TM4SF18: variants seen among roughly 807,000 people sequenced by gnomAD.
TM4SF18 encodes transmembrane 4 L six family member 18, also known as transmembrane 4 L6 family member 18.
Under a neutral mutation model 23.8 loss-of-function variants are expected in TM4SF18, and 22 were observed. The ratio of observed to expected loss-of-function variants is 0.92; its 90% CI spans 0.66 to 1.32. The LOEUF is 1.32. Ranked by LOEUF, TM4SF18 falls within the 40% of genes most tolerant of loss-of-function variation. TM4SF18 has a pLI of 0.00. For missense variants in TM4SF18, 255 were observed against 240.3 expected (o/e 1.06, Z -0.41); for synonymous variants, 87 against 87.9 (o/e 0.99, Z 0.06).
intron 2 of TM4SF18, among the ~76,000 whole-genome samples, chr3:149,331,289 T>C (rs775257647): frequency 3.3e-5 from 5 of 152,180 alleles, no homozygotes; most frequent in Non-Finnish European, 7.4e-5. Context: ...CCTATATTCT[T>C]CTCCTTTCTC....
intron 4 of TM4SF18, among the ~76,000 whole-genome samples, chr3:149,324,228 C>G (rs1360980699): frequency 6.6e-6 from 1 of 152,182 alleles, no homozygotes; most frequent in Non-Finnish European, 1.5e-5. Flanking sequence ...ATTCTGAGAT[C>G]CGGGATTGGG....
chr3:149,326,060 CATT>C (rs1202329981), intron 3 of TM4SF18, among the ~76,000 whole-genome samples: 1 of 152,072 alleles, frequency 6.6e-6, no homozygotes, highest in African/African-American at 2.4e-5. Context: ...AGGTTGCAGA[CATT>C]ATGATATTTC....
intron 2 of TM4SF18, among the ~76,000 whole-genome samples, chr3:149,332,788 G>A (rs1731113934): frequency 6.6e-6 from 1 of 152,116 alleles, no homozygotes; most frequent in South Asian, 2.1e-4. Flanking sequence ...AGGTTTGTCT[G>A]AATAGCCAAG....
At position 149,318,796 on chromosome 3, in the gene TM4SF18, T is replaced by C. The variant is rs1399429742; in HGVS notation, c.*2682A>G. 1 of 152,236 alleles carries C rather than the reference T, an allele frequency of 6.6e-6. No individual in the cohort carries two copies. The highest frequency in any genetic ancestry group is 2.4e-5 in the African/African-American group (1 of 41,470). The allele number at this position is 152,236 out of a possible 1,614,324, so 9.4% of individuals were successfully genotyped here. ...AACTATTAACTTTTAAATATTTTTC[T>C]GGTCTTTACATATCTCAAGGTTTAT... On this transcript the variant is annotated 3_prime_UTR_variant, in exon 6 of 6. Transcript: ENST00000296059.
At chr3:149,329,445 G>C (rs1419587892) in intron 3 of TM4SF18, among the ~76,000 whole-genome samples, 1 of 152,160 alleles carries the variant, frequency 6.6e-6, no homozygotes, top group Non-Finnish European at 1.5e-5. Context: ...ATTGCAATAT[G>C]AAGCTAACAG....
chr3:149,328,941 T>C (rs969827552), intron 3 of TM4SF18, among the ~76,000 whole-genome samples: 1 of 152,214 alleles, frequency 6.6e-6, no homozygotes. Context: ...ATTTCTAGCA[T>C]CTATTTGTGC....
intron 3 of TM4SF18, among the ~76,000 whole-genome samples, chr3:149,325,395 A>C (rs976649921): frequency 6.6e-6 from 1 of 152,180 alleles, no homozygotes; most frequent in Non-Finnish European, 1.5e-5. Context: ...TTCTCTAAGA[A>C]TTATAAGCTA....
intron 3 of TM4SF18, 180 bp downstream of exon 3, chr3:149,330,150 G>A (rs1000347524): frequency 1.5e-5 from 6 of 394,340 alleles, no homozygotes; most frequent in Non-Finnish European, 2.7e-5. Flanking sequence ...TGCATCAGTA[G>A]AACAAAAGTG....
intron 3 of TM4SF18, 70 bp from the exon 4 acceptor site, chr3:149,325,092 G>C: frequency 6.7e-7 from 1 of 1,491,858 alleles, no homozygotes; most frequent in Non-Finnish European, 9.2e-7. Flanking sequence ...TAAATTATCA[G>C]ATAGCTACAT....
intron 4 of TM4SF18, among the ~76,000 whole-genome samples, chr3:149,323,790 C>T (rs35067125): frequency 0.28 from 42,354 of 151,970 alleles, 6,602 homozygotes; most frequent in East Asian, 0.55. Context: ...GGAAGACAAC[C>T]ATAAGGTCTG....
chr3:149,322,382 C>T lies in TM4SF18; in HGVS notation c.465G>A (p.Val155=). 6.2e-7 allele frequency: 1 copy of T among 1,614,038 alleles called. No homozygotes were observed. Among genetic ancestry groups the T allele is most frequent in the Non-Finnish European group, 8.5e-7 (1 of 1,179,984 alleles). The change falls in exon 5 of 6, where the codon GTG becomes GTA. Residue 155 remains valine (V), a synonymous_variant. Coordinates refer to ENST00000296059, the MANE Select transcript of TM4SF18 (RefSeq NM_138786.4). ...WIQCLEPAHV[V]EWNIILFSIL... is the part of the protein sequence containing the mutation. ...TGGAAAATAAAATGATGTTCCACTC[C>T]ACAACATGTGCAGGTTCCAGGCACT... is the stretch of plus-strand genomic sequence containing the variant.
chr3:149,330,379 T>C lies in TM4SF18; in HGVS notation c.218A>G (p.Asn73Ser), dbSNP rs75979800. 4.7e-3 allele frequency: 7,527 copies of C among 1,611,348 alleles called. 30 individuals are homozygous for C. The highest frequency in any genetic ancestry group is 5.7e-3 in the Non-Finnish European group (6,699 of 1,178,422). Residue 73 changes from asparagine (N) to serine (S), a missense_variant, in exon 3 of 6, where the codon AAT becomes AGT. Transcript: ENST00000296059. ...VTTVLLVLENNNNYKCCQSEN... is the reference protein window; with the variant it reads ...VTTVLLVLENSNNYKCCQSEN... ...ACTCTGGCAACATTTATAGTTGTTA[T>C]TATTCTCCAGTACCAGAAGAACTGT...
At chr3:149,333,001 G>T (rs191524126) in intron 2 of TM4SF18, among the ~76,000 whole-genome samples, 96 of 152,240 alleles carry the variant, frequency 6.3e-4, no homozygotes, top group South Asian at 3.1e-3. Context: ...CATTACTGAG[G>T]CTGCATTGCT....
chr3:149,325,364 T>A (rs546935031), intron 3 of TM4SF18, among the ~76,000 whole-genome samples: 1 of 152,320 alleles, frequency 6.6e-6, no homozygotes, highest in African/African-American at 2.4e-5. Context: ...TGAAGACCTG[T>A]TATTTTCTAG....
chr3:149,322,284 A>T lies in TM4SF18; in HGVS notation c.563T>A (p.Leu188Gln). The T allele has an allele frequency of 1.2e-6, 2 of 1,613,778 alleles. No individual in the cohort carries two copies. Among genetic ancestry groups the T allele is most frequent in the Middle Eastern group, 1.7e-4 (1 of 6,056 alleles). The stretch of plus-strand genomic sequence containing the variant: ...GAAGATCACTGAATAGCTTCCACAC[A>T]GTATCTTGGATAGTTGCATGACTAC... ...IRVVMQLSKI[L>Q]CGSYSVIFQP... is the part of the protein sequence containing the mutation. The change falls in exon 5 of 6, where the codon CTG becomes CAG. Residue 188 changes from leucine to glutamine, a missense_variant. Coordinates refer to ENST00000296059, the MANE Select transcript of TM4SF18 (RefSeq NM_138786.4).
At position 149,318,511 on chromosome 3, in the gene TM4SF18, G is replaced by A. The variant is rs905974985; in HGVS notation, c.*2967C>T. On this transcript the variant is annotated 3_prime_UTR_variant, in exon 6 of 6. Transcript: ENST00000296059. ...ATTAGAGGACCATTGCTTTTTAAATGACATTTATTTTTTCTAATAATTCAA... is the reference window on the plus strand; with the variant it reads ...ATTAGAGGACCATTGCTTTTTAAATAACATTTATTTTTTCTAATAATTCAA... 2 of 152,070 alleles carry A rather than the reference G, an allele frequency of 1.3e-5. No individual in the cohort carries two copies. Among genetic ancestry groups the A allele is most frequent in the Non-Finnish European group, 2.9e-5 (2 of 68,006 alleles). The allele number at this position is 152,070 out of a possible 1,614,324, so 9.4% of individuals were successfully genotyped here. A position where few individuals can be genotyped will look rare whatever the true frequency, so the allele number is the denominator to read the frequency against.
At position 149,320,949 on chromosome 3, in the gene TM4SF18, T is replaced by C. The variant is rs1167941746; in HGVS notation, c.*529A>G. Reference sequence around the variant, plus strand: ...GCTTTAAATAGTTATATAGTAAACATGAATTTGTAACCTGCTTTTTGATGT... The same window carrying C: ...GCTTTAAATAGTTATATAGTAAACACGAATTTGTAACCTGCTTTTTGATGT... On this transcript the variant is annotated 3_prime_UTR_variant, in exon 6 of 6. Coordinates refer to ENST00000296059, the MANE Select transcript of TM4SF18 (RefSeq NM_138786.4). The C allele has an allele frequency of 6.6e-6, 1 of 152,198 alleles. No homozygotes were observed. 9.4% of individuals were successfully genotyped at this position (152,198 alleles called of 1,614,324 possible).
At chr3:149,331,570 T>C (rs763778858) in intron 2 of TM4SF18, among the ~76,000 whole-genome samples, 1 of 152,196 alleles carries the variant, frequency 6.6e-6, no homozygotes, top group Non-Finnish European at 1.5e-5. Context: ...GTAACCAGCT[T>C]CATTACAATA....
Position 149,329,894 on chromosome 3 carries a change from A to G in TM4SF18, c.267+436T>C, listed in dbSNP as rs111531310. 1,090 of 152,730 alleles carry G rather than the reference A, an allele frequency of 7.1e-3. 16 individuals are homozygous for G. Among genetic ancestry groups the G allele is most frequent in the African/African-American group, 0.024 (1,014 of 41,572 alleles). 9.5% of individuals were successfully genotyped at this position (152,730 alleles called of 1,614,324 possible). A position where few individuals can be genotyped will look rare whatever the true frequency, so the allele number is the denominator to read the frequency against. On this transcript the variant is annotated intron_variant, in intron 3 of 5. Coordinates refer to ENST00000296059, the MANE Select transcript of TM4SF18 (RefSeq NM_138786.4). ...AACTAATCTATAATGACAAAAAGTA[A>G]ATCAAAGGTTAATCTTTGGGGGTTG...
Sources: allele counts gnomAD v4.1 joint callset (sites outside exome capture counted in the v4.1 genomes callset), GRCh38; gene constraint gnomAD v4.1.1; transcripts MANE v1.5; gene names NCBI Gene and HGNC (gene_info 2026-07-23, HGNC 2026-07-21).